ZNF782: variants seen among roughly 807,000 people sequenced by gnomAD.
The protein encoded by ZNF782 is zinc finger protein 782.
In ZNF782, 12 loss-of-function variants were observed where a neutral mutation model predicts 13.0. The ratio of observed to expected loss-of-function variants is 0.92; its 90% confidence interval spans 0.59 to 1.50. The LOEUF is 1.50. Among genes scored for constraint, ZNF782 ranks in the 40% most tolerant of loss-of-function variants. ZNF782 has a pLI of 0.00. For missense variants in ZNF782, 770 were observed against 822.9 expected (o/e 0.94, Z 0.79); for synonymous variants, 284 against 283.0 (o/e 1.00, Z -0.04).
intron 4 of ZNF782, among the ~76,000 whole-genome samples, chr9:96,839,737 G>A (rs1042437478): frequency 3.3e-5 from 5 of 151,748 alleles, no homozygotes; most frequent in East Asian, 1.9e-4. Context: ...CAACAGTTAC[G>A]TATATTCTTC....
Position 96,844,959 on chromosome 9 carries a change from T to G in ZNF782, c.73A>C (p.Met25Leu), listed in dbSNP as rs781617690. The part of the protein sequence containing the change: ...VEFSQEEWQH[M>L]GPVERTLYRD... ...TACAGGGTCCTCTCAACAGGGCCCA[T>G]GTGCTGCCACTCCTCCTGGCTGAAT... The change falls in exon 4 of 6, where the codon ATG becomes CTG. Residue 25 changes from methionine to leucine, a missense_variant. By Grantham distance (15) the Met-to-Leu change is conservative. Transcript: ENST00000481138. 1.2e-6 allele frequency: 2 copies of G among 1,613,988 alleles called. No individual in the cohort carries two copies. The highest frequency in any genetic ancestry group is 2.2e-5 in the South Asian group (2 of 91,086).
chr9:96,875,595 G>A (rs1399532026), exon 1 of ZNF782: 1 of 456,500 alleles, frequency 2.2e-6, no homozygotes, highest in African/African-American at 2.0e-5. Context: ...CTGCCGCCGC[G>A]GGCATGCGCT....
chr9:96,922,608 T>A, the ZNF782 span, among the ~76,000 whole-genome samples: 1 of 152,156 alleles, frequency 6.6e-6, no homozygotes, highest in African/African-American at 2.4e-5. Context: ...TCGTCTCTAC[T>A]AAAAAAATCC....
At position 96,827,164 on chromosome 9, in the gene ZNF782, G is replaced by T; in HGVS notation, c.160C>A (p.Pro54Thr). ...TGTTCCAATGTGAAGATCAGTTCTG[G>T]TTTTGTAAAGCAGTAGCCTATAAAT... ...LVSVGYCFTK[P>T]ELIFTLEQGE... Residue 54 changes from proline (P) to threonine (T), a missense_variant, in exon 5 of 6, where the codon CCA (proline) becomes ACA (threonine). By Grantham distance (38) the Pro-to-Thr change is conservative (BLOSUM62 -1). Coordinates refer to ENST00000481138, the MANE Select transcript of ZNF782 (RefSeq NM_001001662.3). 6.2e-7 allele frequency: 1 copy of T among 1,610,616 alleles called. No individual in the cohort carries two copies. The highest frequency in any genetic ancestry group is 8.5e-7 in the Non-Finnish European group (1 of 1,178,398).
the ZNF782 span, among the ~76,000 whole-genome samples, chr9:96,896,884 T>G: frequency 1.3e-5 from 2 of 152,238 alleles, no homozygotes; most frequent in Non-Finnish European, 2.9e-5. Flanking sequence ...ACCCTAGAAC[T>G]GTGGAGCATG....
rs1430178596 is a variant in ZNF782 at position 96,827,156 on chromosome 9, C to T, written c.168G>A (p.Leu56=). The change falls in exon 5 of 6, where the codon CTG becomes CTA. Residue 56 remains leucine (L), a synonymous_variant. Transcript: ENST00000481138. The part of the protein sequence containing the change: ...SVGYCFTKPE[L]IFTLEQGEDP... ...CTTCTCCTTGTTCCAATGTGAAGAT[C>T]AGTTCTGGTTTTGTAAAGCAGTAGC... 1.9e-6 allele frequency: 3 copies of T among 1,611,922 alleles called. No individual in the cohort carries two copies. The highest frequency in any genetic ancestry group is 1.7e-5 in the Admixed American group (1 of 59,782).
chr9:96,869,799 C>G (rs2118882038), intron 1 of ZNF782, among the ~76,000 whole-genome samples: 1 of 152,254 alleles, frequency 6.6e-6, no homozygotes, highest in South Asian at 2.1e-4. Flanking sequence ...AGTCATTAGA[C>G]TTATTTGACA....
chr9:96,864,504 T>C (rs2118868567), intron 1 of ZNF782, among the ~76,000 whole-genome samples: 1 of 152,254 alleles, frequency 6.6e-6, no homozygotes, highest in South Asian at 2.1e-4. Flanking sequence ...AGGTTTTCAG[T>C]TAAACAAATG....
chr9:96,884,576 G>A, the ZNF782 span, among the ~76,000 whole-genome samples: 3 of 151,908 alleles, frequency 2.0e-5, no homozygotes, highest in Admixed American at 6.6e-5. Flanking sequence ...AACCCCGAAG[G>A]CAGTGGAGCC....
intron 1 of ZNF782, among the ~76,000 whole-genome samples, chr9:96,870,468 A>G (rs1245000659): frequency 6.6e-6 from 1 of 152,214 alleles, no homozygotes; most frequent in African/African-American, 2.4e-5. Context: ...CTTTCAAAAG[A>G]AGAAACACCT....
rs1317095251 is a variant in ZNF782 at position 96,818,298 on chromosome 9, T to G, written c.1725A>C (p.Ser575=). The part of the protein sequence containing the change: ...NHCGEAFSQK[S]NLRVHHRTHT... Reference sequence around the variant, plus strand: ...GAGTTCTGTGATGTACTCTGAGGTTTGATTTCTGACTGAAAGCTTCCCCAC... The same window carrying G: ...GAGTTCTGTGATGTACTCTGAGGTTGGATTTCTGACTGAAAGCTTCCCCAC... Residue 575 remains serine, a synonymous_variant, in exon 6 of 6, where the codon TCA becomes TCC. Transcript: ENST00000481138. 1.7e-5 allele frequency: 28 copies of G among 1,613,876 alleles called. No homozygotes were observed. The highest frequency in any genetic ancestry group is 2.4e-5 in the Non-Finnish European group (28 of 1,179,906).
At chr9:96,874,489 C>A (rs78152161) in intron 1 of ZNF782, among the ~76,000 whole-genome samples, 1 of 152,158 alleles carries the variant, frequency 6.6e-6, no homozygotes, top group East Asian at 1.9e-4. Flanking sequence ...TAGACCTCCC[C>A]ACAAGCTCTC....
chr9:96,830,116 C>T (rs1322986232), intron 4 of ZNF782, among the ~76,000 whole-genome samples: 4 of 152,184 alleles, frequency 2.6e-5, no homozygotes, highest in Non-Finnish European at 5.9e-5. Flanking sequence ...AGCTTGTGCT[C>T]TCAAGCCAGA....
chr9:96,893,253 G>C, the ZNF782 span: 1 of 152,064 alleles, frequency 6.6e-6, no homozygotes, highest in African/African-American at 2.4e-5. Flanking sequence ...GGGCAGAAAA[G>C]AATTAGAACA....
At chr9:96,864,667 C>T (rs1477206161) in intron 1 of ZNF782, among the ~76,000 whole-genome samples, 1 of 151,928 alleles carries the variant, frequency 6.6e-6, no homozygotes, top group Non-Finnish European at 1.5e-5. Context: ...ACAATTAAGT[C>T]TTTACTTAAT....
At chr9:96,927,677 GA>G in the ZNF782 span, among the ~76,000 whole-genome samples, 1 of 152,154 alleles carries the variant, frequency 6.6e-6, no homozygotes, top group Non-Finnish European at 1.5e-5. Context: ...ATAAAGGACA[GA>G]TTTTTTTTGT....
chr9:96,878,888 T>C (rs914972698), upstream of ZNF782, among the ~76,000 whole-genome samples: 1 of 152,236 alleles, frequency 6.6e-6, no homozygotes, highest in African/African-American at 2.4e-5. Flanking sequence ...TGTATCAGTT[T>C]ATGCTGTTTC....
Position 96,817,841 on chromosome 9 carries a change from G to C in ZNF782, c.*82C>G, listed in dbSNP as rs1850219508. 1 of 1,262,522 alleles carries C rather than the reference G, an allele frequency of 7.9e-7. No individual in the cohort carries two copies. The highest frequency in any genetic ancestry group is 2.4e-5 in the East Asian group (1 of 42,226). The allele number at this position is 1,262,522 out of a possible 1,614,324, so 78.2% of individuals were successfully genotyped here. A position where few individuals can be genotyped will look rare whatever the true frequency, so the allele number is the denominator to read the frequency against. ...AATTCCAGTGCTCACTATGTTAACA[G>C]TTCTCTCCTGTGTGTTCATTTATGT... On this transcript the variant is annotated 3_prime_UTR_variant, in exon 6 of 6. Transcript: ENST00000481138.
intron 5 of ZNF782, among the ~76,000 whole-genome samples, chr9:96,822,925 A>C (rs960157263): frequency 1.3e-5 from 2 of 152,230 alleles, no homozygotes; most frequent in Non-Finnish European, 2.9e-5. Context: ...TTTACTGGAC[A>C]ATAATATCTT....
Sources: allele counts gnomAD v4.1 joint callset (sites outside exome capture counted in the v4.1 genomes callset), GRCh38; gene constraint gnomAD v4.1.1; transcripts MANE v1.5; gene names NCBI Gene and HGNC (gene_info 2026-07-23, HGNC 2026-07-21).